The following QSOX1 variants were observed in gnomAD, a reference collection of about 807,000 sequenced individuals.
The protein encoded by QSOX1 is sulfhydryl oxidase 1.
A neutral mutation model predicts 76.1 loss-of-function variants in QSOX1; 40 were observed. That is an observed-to-expected ratio of 0.53 (90% confidence interval 0.41 to 0.68). The LOEUF (loss-of-function observed/expected upper bound fraction) is 0.68. Ranked by LOEUF, QSOX1 falls within the 30% of genes least tolerant of loss-of-function variation. QSOX1 has a pLI of 0.00. For missense variants in QSOX1, 931 were observed against 974.3 expected, an observed-to-expected ratio of 0.96 and a Z score of 0.59; for synonymous variants, 392 against 413.1, an observed-to-expected ratio of 0.95 and a Z score of 0.62.
In QSOX1 at chr1:180,183,902, C is replaced by T. The variant is rs1458913013; in HGVS notation, c.753-14C>T. The T allele has an allele frequency of 1.9e-6, 3 of 1,610,040 alleles. No homozygotes were observed. The highest frequency in any genetic ancestry group is 2.5e-6 in the Non-Finnish European group (3 of 1,177,130). ...CACTTACTGCCTCTCCTCCCTGGTT[C>T]TGTGCCCTCACAGGCTCATGGAATC... is the stretch of plus-strand genomic sequence containing the variant. On this transcript the variant is annotated splice_polypyrimidine_tract_variant and intron_variant, in intron 6 of 11. Coordinates refer to ENST00000367602, the MANE Select transcript of QSOX1 (RefSeq NM_002826.5).
chr1:180,186,261 G>T (rs1053885332), intron 8 of QSOX1, 79 bp downstream of exon 8: 1 of 1,531,070 alleles, frequency 6.5e-7, no homozygotes. Context: ...TGGGCACCCC[G>T]TCAGCCCCTC....
intron 7 of QSOX1, among the ~76,000 whole-genome samples, chr1:180,184,885 A>G (rs1405073564): frequency 1.3e-5 from 2 of 152,180 alleles, no homozygotes; most frequent in East Asian, 3.9e-4. Flanking sequence ...AAGGAAAGAG[A>G]GAGTGAGGGG....
rs12034707 is a variant in QSOX1, at chr1:180,165,074, C to A, written c.266-1417C>A. Among the ~76,000 whole-genome samples the A allele has an allele frequency of 0.022, 3,306 of 152,314 alleles. 189 individuals are homozygous for A. In the East Asian group the frequency reaches 0.23, roughly 11 times the overall value. ...ATACCTTTCACTACCTAATCTAATA[C>A]CTTTCACCTCGTCTAACATTGGAGA... On this transcript the variant is annotated intron_variant, in intron 1 of 11. Transcript: ENST00000367602.
At position 180,203,092 on chromosome 1, in the gene QSOX1, TAAAA is replaced by T. The variant is rs932108891; in HGVS notation, c.*6059_*6062del. The T allele has an allele frequency of 2.0e-5, 3 of 151,250 alleles. No homozygotes were observed. Among genetic ancestry groups the T allele is most frequent in the Non-Finnish European group, 4.4e-5 (3 of 67,856 alleles). 9.4% of individuals were successfully genotyped at this position (151,250 alleles called of 1,614,324 possible). A position where few individuals can be genotyped will look rare whatever the true frequency, so the allele number is the denominator to read the frequency against. On this transcript the variant is annotated 3_prime_UTR_variant, in exon 12 of 12. Coordinates refer to ENST00000367602, the MANE Select transcript of QSOX1 (RefSeq NM_002826.5). ...TCTCAAAAAAATAAAAAAATAAAAA[TAAAA>T]AAATAAAGTAAAGCTACATATTTAA...
chr1:180,175,324 T>C lies in QSOX1; in HGVS notation c.370T>C (p.Phe124Leu). The C allele has an allele frequency of 6.2e-7, 1 of 1,614,134 alleles. No homozygotes were observed. The highest frequency in any genetic ancestry group is 8.5e-7 in the Non-Finnish European group (1 of 1,179,968). Reference sequence around the variant, plus strand: ...CCACCTGTGTGTTTGCTTCCAGTTCTTCAAGGCCTTTACCAAGAACGGCTC... The same window carrying C: ...CCACCTGTGTGTTTGCTTCCAGTTCCTCAAGGCCTTTACCAAGAACGGCTC... ...NIPGFPTVRF[F>L]KAFTKNGSGA... The change falls in exon 3 of 12, where the codon TTC becomes CTC. Residue 124 changes from phenylalanine (F) to leucine (L), a missense_variant. Phe to Leu is a conservative substitution (Grantham distance 22). Transcript: ENST00000367602.
At chr1:180,180,406 C>T (rs1354509954) in intron 5 of QSOX1, among the ~76,000 whole-genome samples, 1 of 152,180 alleles carries the variant, frequency 6.6e-6, no homozygotes, top group African/African-American at 2.4e-5. Flanking sequence ...GACGTGGTTT[C>T]ACCATTTTGG....
chr1:180,175,782 C>T (rs1415284099), intron 3 of QSOX1, 149 bp from the exon 4 acceptor site: 1 of 650,960 alleles, frequency 1.5e-6, no homozygotes, highest in African/African-American at 1.8e-5. Flanking sequence ...CCCCATTCTT[C>T]TAGCACAGGG....
Position 180,175,326 on chromosome 1 carries a change from C to A in QSOX1, c.372C>A (p.Phe124Leu). ...NIPGFPTVRF[F>L]KAFTKNGSGA... ...ACCTGTGTGTTTGCTTCCAGTTCTT[C>A]AAGGCCTTTACCAAGAACGGCTCGG... The change falls in exon 3 of 12, where the codon TTC becomes TTA. Residue 124 changes from phenylalanine (F) to leucine (L), a missense_variant. By Grantham distance (22) the Phe-to-Leu change is conservative. Coordinates refer to ENST00000367602, the MANE Select transcript of QSOX1 (RefSeq NM_002826.5). 2 of 1,614,152 alleles carry A rather than the reference C, an allele frequency of 1.2e-6. No individual in the cohort carries two copies. Among genetic ancestry groups the A allele is most frequent in the Non-Finnish European group, 1.7e-6 (2 of 1,179,988 alleles).
At chr1:180,169,196 G>A (rs971769923) in intron 2 of QSOX1, among the ~76,000 whole-genome samples, 5 of 152,264 alleles carry the variant, frequency 3.3e-5, no homozygotes, top group African/African-American at 1.2e-4. Flanking sequence ...GGGAGAGGGA[G>A]GGGCTGGTTG....
chr1:180,190,459 C>T lies in QSOX1; in HGVS notation c.1167C>T (p.Asn389=), dbSNP rs1558192430. 6.2e-7 allele frequency: 1 copy of T among 1,613,962 alleles called. No individual in the cohort carries two copies. Among genetic ancestry groups the T allele is most frequent in the African/African-American group, 1.3e-5 (1 of 75,054 alleles). ...KEGAVLAKKV[N]WIGCQGSEPH... is the part of the protein sequence containing the mutation. Reference sequence around the variant, plus strand: ...GTGCCGTTCTTGCCAAGAAGGTGAACTGGATTGGCTGCCAGGGGAGTGAGC... The same window carrying T: ...GTGCCGTTCTTGCCAAGAAGGTGAATTGGATTGGCTGCCAGGGGAGTGAGC... Residue 389 remains asparagine, a synonymous_variant, in exon 10 of 12, where the codon AAC becomes AAT. Coordinates refer to ENST00000367602, the MANE Select transcript of QSOX1 (RefSeq NM_002826.5).
intron 9 of QSOX1, 31 bp downstream of exon 9, chr1:180,189,705 C>A (rs376664824): frequency 6.2e-7 from 1 of 1,604,586 alleles, no homozygotes; most frequent in Non-Finnish European, 8.5e-7. Context: ...AAGATCTCTC[C>A]ATCCTCCGTA....
chr1:180,180,864 C>T (rs1216732012), intron 5 of QSOX1, among the ~76,000 whole-genome samples: 1 of 152,152 alleles, frequency 6.6e-6, no homozygotes, highest in Admixed American at 6.5e-5. Context: ...ATGTGCTAGT[C>T]ACTGTTATGG....
chr1:180,185,047 T>A (rs567423679), intron 7 of QSOX1, among the ~76,000 whole-genome samples: 1 of 152,266 alleles, frequency 6.6e-6, no homozygotes, highest in African/African-American at 2.4e-5. Context: ...GTTACCTCAT[T>A]CAGTCATGGG....
At chr1:180,156,677 G>T (rs867194629) in intron 1 of QSOX1, among the ~76,000 whole-genome samples, 8 of 152,178 alleles carry the variant, frequency 5.3e-5, no homozygotes, top group Non-Finnish European at 1.0e-4. Context: ...TGCCTCACTG[G>T]TCCCATTAGC....
Position 180,155,160 on chromosome 1 carries a change from G to A in QSOX1, c.253G>A (p.Glu85Lys), listed in dbSNP as rs1302977574. Residue 85 changes from glutamate (E) to lysine (K), a missense_variant, in exon 1 of 12, where the codon GAA becomes AAA. Transcript: ENST00000367602. ...CGCCCCGACGTGGAAGGCGCTGGCC[G>A]AAGACGTCAAAGGTGAGAAGCGGGG... ...AFAPTWKALAEDVKAWRPALY... is the reference protein window; with the variant it reads ...AFAPTWKALAKDVKAWRPALY... 1 of 1,515,374 alleles carries A rather than the reference G, an allele frequency of 6.6e-7. No homozygotes were observed. Among genetic ancestry groups the A allele is most frequent in the Non-Finnish European group, 8.8e-7 (1 of 1,135,994 alleles). The allele number at this position is 1,515,374 out of a possible 1,614,324, so 93.9% of individuals were successfully genotyped here. A position where few individuals can be genotyped will look rare whatever the true frequency, so the allele number is the denominator to read the frequency against.
rs201983760 is a variant in QSOX1, at chr1:180,189,712, C to T, written c.1140+38C>T. ...AGCAAATAAAGATCTCTCCATCCTC[C>T]GTATTTATGAGAGTGCAAGGGGTTA... On this transcript the variant is annotated intron_variant, in intron 9 of 11. Transcript: ENST00000367602. 6.9e-5 allele frequency: 111 copies of T among 1,597,442 alleles called. No homozygotes were observed. In the African/African-American group the frequency reaches 7.4e-4, roughly 11 times the overall value.
chr1:180,155,830 C>T (rs1194212920), intron 1 of QSOX1, among the ~76,000 whole-genome samples: 1 of 152,198 alleles, frequency 6.6e-6, no homozygotes, highest in Non-Finnish European at 1.5e-5. Flanking sequence ...CTCTCTCTTC[C>T]CCCGCTCAGA....
At chr1:180,164,963 A>G (rs1438754553) in intron 1 of QSOX1, among the ~76,000 whole-genome samples, 1 of 152,106 alleles carries the variant, frequency 6.6e-6, no homozygotes, top group Non-Finnish European at 1.5e-5. Context: ...AAGCAATCAG[A>G]TCTTATGAGA....
At chr1:180,193,566 G>A (rs1274543080) in intron 10 of QSOX1, among the ~76,000 whole-genome samples, 5 of 152,076 alleles carry the variant, frequency 3.3e-5, no homozygotes, top group Non-Finnish European at 5.9e-5. Flanking sequence ...GAGCCTGAGG[G>A]TGAAGGGCTT....
Sources: gnomAD v4.1 joint callset for allele counts (sites outside exome capture counted in the v4.1 genomes callset) on GRCh38, gnomAD v4.1.1 for gene constraint, MANE v1.5 for transcripts, NCBI Gene and HGNC (gene_info 2026-07-23, HGNC 2026-07-21) for gene names.